Variants in TRIP6 observed in about 807,000 individuals in gnomAD.
TRIP6 encodes thyroid receptor-interacting protein 6.
Under a neutral mutation model 51.9 loss-of-function variants are expected in TRIP6, and 33 were observed. The observed-to-expected ratio is 0.64, with a 90% CI of 0.48 to 0.85. The LOEUF is 0.85. TRIP6 is among the 40% of genes least tolerant of loss of function. TRIP6 has a pLI of 0.00. For synonymous variants in TRIP6, 255 were observed against 275.8 expected (o/e 0.92, Z 0.75); for missense variants, 661 against 652.1 (o/e 1.01, Z -0.15).
intron 8 of TRIP6, 106 bp downstream of exon 8, chr7:100,872,850 TTC>T (rs1815301852): frequency 2.1e-5 from 30 of 1,454,980 alleles, no homozygotes; most frequent in Middle Eastern, 3.8e-4. Context: ...TGTTGCTTCT[TTC>T]TTTTTTTTTT....
At chr7:100,871,994 T>C (rs549148641) in intron 7 of TRIP6, among the ~76,000 whole-genome samples, 1 of 149,642 alleles carries the variant, frequency 6.7e-6, no homozygotes, top group Admixed American at 6.7e-5. Context: ...CACGCCACCA[T>C]GCCTGGCTAG....
chr7:100,872,181 G>GTTTTTTTTTTTTTTTTTTT (rs34239953), intron 7 of TRIP6, among the ~76,000 whole-genome samples: 2 of 95,592 alleles, frequency 2.1e-5, no homozygotes, highest in Non-Finnish European at 3.8e-5. Flanking sequence ...CGCCTGGCTA[G>GTTTTTTTTTTTTTTTTTTT]TTTTTTTTTT....
intron 4 of TRIP6, among the ~76,000 whole-genome samples, chr7:100,869,929 ATATATTACAATG>A (rs1340489464): frequency 1.3e-5 from 2 of 151,866 alleles, no homozygotes; most frequent in South Asian, 4.2e-4. Context: ...TTGTTTCGGT[ATATATTACAATG>A]TATATTACAA....
chr7:100,872,509 A>G, intron 7 of TRIP6, 115 bp from the exon 8 acceptor site: 1 of 1,484,062 alleles, frequency 6.7e-7, no homozygotes. Context: ...CCAAGACCTA[A>G]GGCCATACCT....
chr7:100,873,156 G>A lies in TRIP6; in HGVS notation c.1300-16G>A, dbSNP rs1379598611. ...GAGCCATCGCGCCCGGCCAATTGTT[G>A]CTTCTTTTTCAACAGGAGTGTGGGC... is the stretch of plus-strand genomic sequence containing the variant. On this transcript the variant is annotated splice_polypyrimidine_tract_variant and intron_variant, in intron 8 of 8. Transcript: ENST00000200457. The A allele has an allele frequency of 7.5e-6, 12 of 1,606,696 alleles. No homozygotes were observed. The highest frequency in any genetic ancestry group is 1.9e-4 in the Middle Eastern group (1 of 5,336).
At chr7:100,869,240 G>C (rs1374536029) in intron 4 of TRIP6, among the ~76,000 whole-genome samples, 1 of 151,708 alleles carries the variant, frequency 6.6e-6, no homozygotes, top group Non-Finnish European at 1.5e-5. Context: ...TTGCAGGCCT[G>C]AGCCACCGCG....
intron 4 of TRIP6, 138 bp downstream of exon 4, chr7:100,869,004 G>A: frequency 8.3e-7 from 1 of 1,198,904 alleles, no homozygotes; most frequent in Non-Finnish European, 1.1e-6. Flanking sequence ...CTGGGGTGCA[G>A]TGGTGCCATC....
intron 8 of TRIP6, 200 bp from the exon 9 acceptor site, chr7:100,872,972 T>A: frequency 4.7e-6 from 5 of 1,065,656 alleles, no homozygotes; most frequent in Non-Finnish European, 6.4e-6. Flanking sequence ...TGCCTCAGCC[T>A]CCTGAGTAGC....
rs778311773 is a variant in TRIP6 at position 100,871,700 on chromosome 7, A to C, written c.1157A>C (p.His386Pro). Residue 386 changes from histidine to proline, a missense_variant, in exon 7 of 9, where the codon CAC becomes CCC. Physicochemically the swap from His to Pro is moderately conservative, Grantham distance 77. Transcript: ENST00000200457. ...PFTVDATSQI[H>P]CIEDFHRKFA... The stretch of plus-strand genomic sequence containing the variant: ...ACAGTGGATGCTACGAGCCAGATCC[A>C]CTGCATTGAGGACTTTCACAGGTCA... 6.2e-7 allele frequency: 1 copy of C among 1,614,054 alleles called. No individual in the cohort carries two copies. Among genetic ancestry groups the C allele is most frequent in the East Asian group, 2.2e-5 (1 of 44,890 alleles).
rs1364639933 is a variant in TRIP6 at position 100,872,213 on chromosome 7, A to G, written c.1179-411A>G. On this transcript the variant is annotated intron_variant, in intron 7 of 8. Coordinates refer to ENST00000200457, the MANE Select transcript of TRIP6 (RefSeq NM_003302.3). Reference sequence around the variant, plus strand: ...TTTTTTTTTTTTTTTTTGTATTTTTAGTAGAGACAGGCTTTCATCATGTTG... The same window carrying G: ...TTTTTTTTTTTTTTTTTGTATTTTTGGTAGAGACAGGCTTTCATCATGTTG... Among the ~76,000 whole-genome samples the G allele has an allele frequency of 7.3e-5, 3 of 41,116 alleles. No homozygotes were observed. In the Admixed American group the frequency reaches 9.3e-4, roughly 13 times the overall value. The allele number at this position is 41,116 out of a possible 152,430, so 27.0% of individuals were successfully genotyped here.
In TRIP6 at chr7:100,870,434, T is replaced by G; in HGVS notation, c.800T>G (p.Met267Arg). 1 of 1,613,346 alleles carries G rather than the reference T, an allele frequency of 6.2e-7. No homozygotes were observed. Among genetic ancestry groups the G allele is most frequent in the Admixed American group, 1.7e-5 (1 of 60,000 alleles). ...CTGACGAAGAAGCTGGTTCACGACA[T>G]GAACCACCCGCCCAGCGGGGAGTAC... ...DRLTKKLVHD[M>R]NHPPSGEYFG... The change falls in exon 5 of 9, where the codon ATG becomes AGG. Residue 267 changes from methionine (M) to arginine (R), a missense_variant. Met to Arg is a moderately conservative substitution (Grantham distance 91). Coordinates refer to ENST00000200457, the MANE Select transcript of TRIP6 (RefSeq NM_003302.3).
At position 100,867,802 on chromosome 7, in the gene TRIP6, A is replaced by T; in HGVS notation, c.110-59A>T. On this transcript the variant is annotated intron_variant, in intron 1 of 8. Transcript: ENST00000200457. This position sits in a 1 kb window ranked among gnomAD's most constrained non-coding sequence, Gnocchi z 5.4. ...GAGAGGCGGAGAGGGTGGCTCCTCA[A>T]ATATACACCCCTCCTGTCCTCCGCC... 1 of 1,524,268 alleles carries T rather than the reference A, an allele frequency of 6.6e-7. No individual in the cohort carries two copies. Among genetic ancestry groups the T allele is most frequent in the South Asian group, 1.3e-5 (1 of 75,676 alleles). The allele number at this position is 1,524,268 out of a possible 1,614,324, so 94.4% of individuals were successfully genotyped here.
At chr7:100,873,049 C>G (rs550100207) in intron 8 of TRIP6, 123 bp from the exon 9 acceptor site, 1 of 1,362,442 alleles carries the variant, frequency 7.3e-7, no homozygotes, top group South Asian at 1.4e-5. Flanking sequence ...CAGGGTTTCA[C>G]CATATTGGCC....
At chr7:100,868,379 C>T (rs1479696919) in intron 3 of TRIP6, 116 bp from the exon 4 acceptor site, 24 of 1,581,872 alleles carry the variant, frequency 1.5e-5, no homozygotes, top group Non-Finnish European at 2.0e-5. Context: ...CACTTGAGGA[C>T]GGGACCTTGT....
chr7:100,871,997 CTGGCTAGTTTTCTTCGTTTTTTTTTTT>C (rs1815282798), intron 7 of TRIP6, among the ~76,000 whole-genome samples: 1 of 150,864 alleles, frequency 6.6e-6, no homozygotes, highest in African/African-American at 2.4e-5. Flanking sequence ...GCCACCATGC[CTGGCTAGTTTTCTTCGTTTTTTTTTTT>C]TTTTTTTTGA....
rs772847238 is a variant in TRIP6, at chr7:100,868,639, G to A, written c.508G>A (p.Val170Met). ...CACCCCGGCTGGCCCAGCCTTCCCC[G>A]TGCAAGTGAAGGTGGCACAGCCAGT... ...ASTPAGPAFP[V>M]QVKVAQPVRG... Residue 170 changes from valine to methionine, a missense_variant, in exon 4 of 9, where the codon GTG becomes ATG. Coordinates refer to ENST00000200457, the MANE Select transcript of TRIP6 (RefSeq NM_003302.3). 9.9e-6 allele frequency: 16 copies of A among 1,611,552 alleles called. No homozygotes were observed. Among genetic ancestry groups the A allele is most frequent in the Non-Finnish European group, 1.3e-5 (15 of 1,179,184 alleles).
At chr7:100,871,391 T>C in intron 6 of TRIP6, 152 bp from the exon 7 acceptor site, 1 of 728,592 alleles carries the variant, frequency 1.4e-6, no homozygotes, top group Non-Finnish European at 2.3e-6. Flanking sequence ...GGACCTGAAC[T>C]CAGATCTGCT....
chr7:100,872,597 G>A (rs1038765357), intron 7 of TRIP6, 27 bp from the exon 8 acceptor site: 1 of 1,613,260 alleles, frequency 6.2e-7, no homozygotes, highest in Non-Finnish European at 8.5e-7. Flanking sequence ...AAGGCTTGAT[G>A]GCCTTCTTGG....
chr7:100,873,400 T>G lies in TRIP6; in HGVS notation c.*97T>G. 6.8e-7 allele frequency: 1 copy of G among 1,469,042 alleles called. No homozygotes were observed. Among genetic ancestry groups the G allele is most frequent in the East Asian group, 2.4e-5 (1 of 42,260 alleles). 91.0% of individuals were successfully genotyped at this position (1,469,042 alleles called of 1,614,324 possible). On this transcript the variant is annotated 3_prime_UTR_variant, in exon 9 of 9. Coordinates refer to ENST00000200457, the MANE Select transcript of TRIP6 (RefSeq NM_003302.3). ...CCACCTGTATGACTTTGTCACCAAA[T>G]GCTGTCTTCTCTTTCTCCAATCAAG...
Sources: gnomAD v4.1 joint callset for allele counts (sites outside exome capture counted in the v4.1 genomes callset) on GRCh38, gnomAD v4.1.1 for gene constraint, Gnocchi (gnomAD v3.1) non-coding constraint, MANE v1.5 for transcripts, NCBI Gene and HGNC (gene_info 2026-07-23, HGNC 2026-07-21) for gene names.